Variants in CCM2 observed in about 807,000 individuals in gnomAD.
The protein encoded by CCM2 is cerebral cavernous malformations 2 protein.
A neutral mutation model predicts 44.9 loss-of-function variants in CCM2; 25 were observed. The observed-to-expected ratio is 0.56, with a 90% CI of 0.41 to 0.78. The LOEUF is 0.78. Ranked by LOEUF, CCM2 falls within the 30% of genes least tolerant of loss-of-function variation. The pLI is 0.00. For synonymous variants in CCM2, 219 were observed against 241.1 expected (o/e 0.91, Z 0.85); for missense variants, 481 against 580.6 (o/e 0.83, Z 1.76).
At chr7:45,013,694 G>A (rs968856394) in intron 1 of CCM2, among the ~76,000 whole-genome samples, 10 of 152,222 alleles carry the variant, frequency 6.6e-5, no homozygotes, top group Non-Finnish European at 5.9e-5. Context: ...ATAGATTCAG[G>A]ATCATGTGTT....
chr7:45,018,047 A>G (rs1583856398), intron 1 of CCM2, among the ~76,000 whole-genome samples: 1 of 81,478 alleles, frequency 1.2e-5, no homozygotes, highest in Non-Finnish European at 2.3e-5. Context: ...AGTGGGGAAA[A>G]GGTTTTGGGA....
chr7:45,017,452 C>G (rs1796311283), intron 1 of CCM2, among the ~76,000 whole-genome samples: 1 of 152,172 alleles, frequency 6.6e-6, no homozygotes, highest in African/African-American at 2.4e-5. Context: ...CAGTTGGCAT[C>G]TGGTGGTGAG....
At chr7:45,009,950 CAG>C (rs1796003462) in intron 1 of CCM2, among the ~76,000 whole-genome samples, 1 of 151,238 alleles carries the variant, frequency 6.6e-6, no homozygotes, top group Admixed American at 6.6e-5. Context: ...CACTCTGTCA[CAG>C]AGGCTGGAGT....
intron 1 of CCM2, among the ~76,000 whole-genome samples, chr7:45,015,014 T>TAAG (rs1796210808): frequency 2.0e-5 from 3 of 152,208 alleles, no homozygotes; most frequent in Admixed American, 2.0e-4. Flanking sequence ...TGTCTTTCTT[T>TAAG]AAACACTTTC....
chr7:45,038,309 T>G lies in CCM2; in HGVS notation c.87T>G (p.Asp29Glu), dbSNP rs1797321648. ...TCCTAAAAGGTGAAAAGAGTAGAGA[T>G]AAGAAAGCCCATGAGAAGGTGACAG... is the stretch of plus-strand genomic sequence containing the variant. ...RVFLKGEKSR[D>E]KKAHEKVTER... The change falls in exon 2 of 10, where the codon GAT becomes GAG. Residue 29 changes from aspartate (D) to glutamate (E), a missense_variant. Transcript: ENST00000258781. 6.2e-7 allele frequency: 1 copy of G among 1,613,968 alleles called. No homozygotes were observed. Among genetic ancestry groups the G allele is most frequent in the Admixed American group, 1.7e-5 (1 of 60,000 alleles).
chr7:45,068,652 C>G (rs1583981007), intron 5 of CCM2, 73 bp downstream of exon 5: 1 of 1,593,590 alleles, frequency 6.3e-7, no homozygotes, highest in East Asian at 2.2e-5. Context: ...CCCACCCTGG[C>G]CACACCCAGC....
chr7:45,043,787 C>T, intron 2 of CCM2: 1 of 367,200 alleles, frequency 2.7e-6, no homozygotes, highest in South Asian at 2.0e-5. Context: ...ATTCTTTACT[C>T]TTCCCAATGC....
At chr7:45,047,505 C>G (rs1028126497) in intron 2 of CCM2, among the ~76,000 whole-genome samples, 2 of 152,160 alleles carry the variant, frequency 1.3e-5, no homozygotes, top group African/African-American at 4.8e-5. Flanking sequence ...CCACTGTGCT[C>G]CATCCTGGAT....
At chr7:45,071,790 C>G (rs1178837359) in intron 6 of CCM2, 2 of 456,752 alleles carry the variant, frequency 4.4e-6, no homozygotes, top group Non-Finnish European at 4.4e-6. Context: ...CTTCCTTTGA[C>G]TGTCAGCTTC....
chr7:45,002,920 T>C (rs1397325335), intron 1 of CCM2, among the ~76,000 whole-genome samples: 1 of 152,118 alleles, frequency 6.6e-6, no homozygotes, highest in Non-Finnish European at 1.5e-5. Flanking sequence ...ACTAAAGGTG[T>C]GGGGCCTGGG....
At chr7:45,068,135 G>T in intron 4 of CCM2, 1 of 436,996 alleles carries the variant, frequency 2.3e-6, no homozygotes, top group South Asian at 2.1e-5. Context: ...AGAACACATG[G>T]AAACCTCCTG....
At chr7:45,038,085 C>A (rs1797312528) in intron 1 of CCM2, among the ~76,000 whole-genome samples, 168 bp from the exon 2 acceptor site, 1 of 152,230 alleles carries the variant, frequency 6.6e-6, no homozygotes, top group Non-Finnish European at 1.5e-5. Flanking sequence ...GGCTGTGGTC[C>A]CTCAGGCTTG....
intron 2 of CCM2, among the ~76,000 whole-genome samples, chr7:45,042,545 AACACTTTACTCAT>A (rs1797562301): frequency 7.2e-5 from 11 of 152,100 alleles, no homozygotes; most frequent in Admixed American, 7.2e-4. Context: ...GCAAGAAAGA[AACACTTTACTCAT>A]AGGGGAAAAC....
intron 2 of CCM2, among the ~76,000 whole-genome samples, chr7:45,054,158 C>T (rs1798140621): frequency 1.3e-5 from 2 of 152,184 alleles, no homozygotes; most frequent in African/African-American, 4.8e-5. Context: ...TAGCCGGTGT[C>T]AGCCATGGAG....
At chr7:45,056,077 T>C (rs1407527676) in intron 2 of CCM2, among the ~76,000 whole-genome samples, 1 of 135,714 alleles carries the variant, frequency 7.4e-6, no homozygotes, top group African/African-American at 2.8e-5. Flanking sequence ...GGTTTATTCA[T>C]TTATCTGTCA....
At chr7:45,017,765 T>A (rs994642589) in intron 1 of CCM2, among the ~76,000 whole-genome samples, 1 of 152,168 alleles carries the variant, frequency 6.6e-6, no homozygotes, top group Middle Eastern at 3.2e-3. Flanking sequence ...GGGAATATAA[T>A]GAGGTGCGTC....
chr7:45,006,994 G>A (rs1795872365), intron 1 of CCM2, among the ~76,000 whole-genome samples: 1 of 152,222 alleles, frequency 6.6e-6, no homozygotes, highest in South Asian at 2.1e-4. Context: ...TAGAAGTGCA[G>A]TAGTAACTCA....
At position 45,064,634 on chromosome 7, in the gene CCM2, G is replaced by T; in HGVS notation, c.460G>T (p.Val154Phe). The part of the protein sequence containing the change: ...YVRDDAAHLV[V>F]LKTAQDPGIS... Reference sequence around the variant, plus strand: ...TCGGGATGACGCTGCACACCTGGTGGTCCTGAAGACAGGTACAGGAGGTCA... The same window carrying T: ...TCGGGATGACGCTGCACACCTGGTGTTCCTGAAGACAGGTACAGGAGGTCA... The change falls in exon 4 of 10, where the codon GTC becomes TTC. Residue 154 changes from valine (V) to phenylalanine (F), a missense_variant. Coordinates refer to ENST00000258781, the MANE Select transcript of CCM2 (RefSeq NM_031443.4). 6.2e-7 allele frequency: 1 copy of T among 1,613,924 alleles called. No individual in the cohort carries two copies. Among genetic ancestry groups the T allele is most frequent in the Non-Finnish European group, 8.5e-7 (1 of 1,180,024 alleles).
intron 6 of CCM2, 141 bp from the exon 7 acceptor site, chr7:45,072,585 G>A (rs1432901400): frequency 1.8e-5 from 13 of 722,696 alleles, no homozygotes; most frequent in African/African-American, 1.7e-5. Context: ...TCCAGAGTGC[G>A]GGCAGCTTGA....
Sources: gnomAD v4.1 joint callset for allele counts (sites outside exome capture counted in the v4.1 genomes callset) on GRCh38, gnomAD v4.1.1 for gene constraint, MANE v1.5 for transcripts, NCBI Gene and HGNC (gene_info 2026-07-23, HGNC 2026-07-21) for gene names.